The following SPATA9 variants were observed in gnomAD, a reference collection of about 807,000 sequenced individuals.
SPATA9 encodes the protein spermatogenesis-associated protein 9.
A neutral mutation model predicts 25.5 loss-of-function variants in SPATA9; 27 were observed. The observed-to-expected ratio is 1.06, with a 90% CI of 0.78 to 1.46. SPATA9 has a LOEUF of 1.46. Ranked by LOEUF, SPATA9 falls within the 40% of genes most tolerant of loss-of-function variation. The pLI, the probability that SPATA9 is intolerant of heterozygous loss-of-function variation, is 0.00. For missense variants in SPATA9, 282 were observed against 297.5 expected, an observed-to-expected ratio of 0.95 and a Z score of 0.38; for synonymous variants, 102 against 105.7, an observed-to-expected ratio of 0.97 and a Z score of 0.21.
chr5:95,673,910 T>C (rs1315178120), intron 3 of SPATA9, among the ~76,000 whole-genome samples: 1 of 152,050 alleles, frequency 6.6e-6, no homozygotes, highest in Non-Finnish European at 1.5e-5. Context: ...CTGGCTAATA[T>C]TGTATTTTTA....
At chr5:95,719,605 TA>T in the SPATA9 span, 4 of 152,210 alleles carry the variant, frequency 2.6e-5, no homozygotes, top group African/African-American at 9.6e-5. Flanking sequence ...AATCTAATAG[TA>T]AAAAACATAT....
At chr5:95,723,735 G>A in the SPATA9 span, among the ~76,000 whole-genome samples, 422 of 152,040 alleles carry the variant, frequency 2.8e-3, no homozygotes, top group Non-Finnish European at 4.8e-3. Flanking sequence ...TTCCTGTCTC[G>A]CAGCCTCCCT....
At chr5:95,687,389 C>G (rs934598812), upstream of SPATA9, among the ~76,000 whole-genome samples, 5 of 152,112 alleles carry the variant, frequency 3.3e-5, no homozygotes, top group East Asian at 1.9e-4. Flanking sequence ...GAATTTGAAG[C>G]CTTTTGTGTG....
intron 1 of SPATA9, among the ~76,000 whole-genome samples, chr5:95,690,231 C>A (rs191487412): frequency 6.6e-6 from 1 of 152,168 alleles, no homozygotes; most frequent in East Asian, 1.9e-4. Flanking sequence ...TAATGTTAAA[C>A]AGAATTGGAA....
At chr5:95,718,995 T>C in the SPATA9 span, among the ~76,000 whole-genome samples, 1 of 152,176 alleles carries the variant, frequency 6.6e-6, no homozygotes, top group East Asian at 1.9e-4. Flanking sequence ...TGATATTATC[T>C]AGGATTTGCC....
At chr5:95,675,177 T>C (rs1260950928) in intron 3 of SPATA9, among the ~76,000 whole-genome samples, 1 of 152,196 alleles carries the variant, frequency 6.6e-6, no homozygotes, top group African/African-American at 2.4e-5. Context: ...TTTACATGCA[T>C]ATATTTAAGT....
At chr5:95,698,096 C>A (rs1302857932) in intron 1 of SPATA9, among the ~76,000 whole-genome samples, 2 of 152,134 alleles carry the variant, frequency 1.3e-5, no homozygotes, top group African/African-American at 4.8e-5. Flanking sequence ...AAACTGATTT[C>A]TTCTTTTTTC....
the SPATA9 span, among the ~76,000 whole-genome samples, chr5:95,718,161 T>C: frequency 1.3e-5 from 2 of 151,998 alleles, no homozygotes; most frequent in Non-Finnish European, 2.9e-5. Context: ...CTTTCCCTCT[T>C]TTTTTTTCTT....
At chr5:95,682,348 C>T (rs1028955553) in intron 2 of SPATA9, among the ~76,000 whole-genome samples, 180 bp downstream of exon 2, 2 of 152,148 alleles carry the variant, frequency 1.3e-5, no homozygotes, top group African/African-American at 4.8e-5. Flanking sequence ...TCCACAATCT[C>T]TCTGCTTCCC....
the SPATA9 span, chr5:95,708,920 G>A: frequency 3.1e-6 from 1 of 323,708 alleles, no homozygotes; most frequent in Non-Finnish European, 5.6e-6. Flanking sequence ...TAAATAAAAA[G>A]AATTAATCTA....
At chr5:95,724,345 C>T in the SPATA9 span, among the ~76,000 whole-genome samples, 2 of 152,204 alleles carry the variant, frequency 1.3e-5, no homozygotes, top group Admixed American at 6.5e-5. Flanking sequence ...GTTTCTGAAA[C>T]TAATCAGAAG....
the SPATA9 span, chr5:95,731,294 C>A: frequency 1.8e-5 from 19 of 1,033,746 alleles, no homozygotes; most frequent in East Asian, 1.6e-3. Context: ...ATCTCCCCGA[C>A]CCCCCTTCTC....
At chr5:95,699,039 C>T (rs184371210), upstream of SPATA9, among the ~76,000 whole-genome samples, 9 of 152,146 alleles carry the variant, frequency 5.9e-5, no homozygotes, top group Admixed American at 2.0e-4. Flanking sequence ...TCAGCATGCA[C>T]CCTGCTCAGT....
chr5:95,715,174 A>G, the SPATA9 span, among the ~76,000 whole-genome samples: 1 of 152,056 alleles, frequency 6.6e-6, no homozygotes, highest in Admixed American at 6.6e-5. Context: ...AAATACAAAA[A>G]TTAGCTGGGC....
downstream of SPATA9, chr5:95,654,098 A>G: frequency 6.2e-7 from 1 of 1,611,776 alleles, no homozygotes; most frequent in Non-Finnish European, 8.5e-7. Flanking sequence ...TCCTGAAAAG[A>G]GGGAATATTC....
At chr5:95,681,281 G>A (rs1371009465) in intron 2 of SPATA9, among the ~76,000 whole-genome samples, 5 of 152,056 alleles carry the variant, frequency 3.3e-5, no homozygotes, top group Non-Finnish European at 7.4e-5. Context: ...CTACATGCCT[G>A]TAATTTATAT....
chr5:95,719,870 G>A, the SPATA9 span: 1 of 152,184 alleles, frequency 6.6e-6, no homozygotes, highest in Non-Finnish European at 1.5e-5. Flanking sequence ...TGATAACTCG[G>A]TGTTGGTATA....
the SPATA9 span, chr5:95,731,380 G>A: frequency 6.0e-6 from 7 of 1,162,420 alleles, no homozygotes; most frequent in African/African-American, 1.6e-5. Flanking sequence ...GGCGGAGAGG[G>A]GACTGCGGTC....
intron 3 of SPATA9, among the ~76,000 whole-genome samples, chr5:95,669,890 C>G (rs796730718): frequency 1.4e-4 from 21 of 152,232 alleles, no homozygotes; most frequent in African/African-American, 5.1e-4. Context: ...TTTTATAGAA[C>G]TAGCCACAAT....
Sources: gnomAD v4.1 joint callset for allele counts (sites outside exome capture counted in the v4.1 genomes callset) on GRCh38, gnomAD v4.1.1 for gene constraint, MANE v1.5 for transcripts, NCBI Gene and HGNC (gene_info 2026-07-23, HGNC 2026-07-21) for gene names.